MTMR7: variants seen among roughly 807,000 people sequenced by gnomAD.
MTMR7 encodes the protein myotubularin related protein 7, also known as phosphatidylinositol-3-phosphate phosphatase MTMR7.
In MTMR7, 76 loss-of-function variants were observed where a neutral mutation model predicts 81.2. The ratio of observed to expected loss-of-function variants is 0.94; its 90% CI spans 0.78 to 1.13. MTMR7 has a LOEUF of 1.13. Ranked by LOEUF, MTMR7 falls within the 50% of genes most tolerant of loss-of-function variation. The probability of loss-of-function intolerance (pLI) is 0.00; values close to 1 mark genes in which losing one functional copy is unlikely to be tolerated. For synonymous variants in MTMR7, 372 were observed against 289.8 expected (o/e 1.28, Z -2.88); for missense variants, 1,044 against 820.0 (o/e 1.27, Z -3.34).
intron 3 of MTMR7, among the ~76,000 whole-genome samples, chr8:17,366,885 C>CAAAAAAAAAAAA (rs1277882494): frequency 1.1e-4 from 10 of 88,188 alleles, no homozygotes; most frequent in African/African-American, 2.4e-4. Flanking sequence ...GACTCCATCT[C>CAAAAAAAAAAAA]AAAAAAAAAA....
chr8:17,340,164 G>C (rs143625083), intron 6 of MTMR7, among the ~76,000 whole-genome samples: 1 of 152,196 alleles, frequency 6.6e-6, no homozygotes, highest in Non-Finnish European at 1.5e-5. Flanking sequence ...TGTTGGTCAG[G>C]CTTGTCTCAA....
intron 1 of MTMR7, among the ~76,000 whole-genome samples, chr8:17,401,559 G>GA (rs1821429558): frequency 6.6e-6 from 1 of 152,136 alleles, no homozygotes; most frequent in Non-Finnish European, 1.5e-5. Flanking sequence ...ACTGGTGGGG[G>GA]AGCGGCAAAA....
chr8:17,310,100 G>A lies in MTMR7; in HGVS notation c.1102-774C>T, dbSNP rs146840835. Among the ~76,000 whole-genome samples, 77 of 152,062 alleles carry A rather than the reference G, an allele frequency of 5.1e-4. 1 individual carries two copies. In the East Asian group the frequency reaches 8.9e-3, roughly 18 times the overall value. ...ACTACACCCTTGACCTCCTGAGCTC[G>A]AGCGATCCTCCCACCTCAGCCCAAG... is the stretch of plus-strand genomic sequence containing the variant. On this transcript the variant is annotated intron_variant, in intron 9 of 13. Coordinates refer to ENST00000180173, the MANE Select transcript of MTMR7 (RefSeq NM_004686.5).
At chr8:17,412,577 G>A (rs1198142736) in intron 1 of MTMR7, among the ~76,000 whole-genome samples, 1 of 152,136 alleles carries the variant, frequency 6.6e-6, no homozygotes, top group Non-Finnish European at 1.5e-5. Flanking sequence ...GAGTGATCAG[G>A]GACCATTTGC....
chr8:17,318,131 G>A (rs1374324881), intron 7 of MTMR7, among the ~76,000 whole-genome samples: 2 of 152,164 alleles, frequency 1.3e-5, no homozygotes, highest in African/African-American at 2.4e-5. Flanking sequence ...GACCCTGCAT[G>A]AGGAAAACAA....
chr8:17,396,890 G>C (rs1821268659), intron 1 of MTMR7, among the ~76,000 whole-genome samples: 1 of 151,838 alleles, frequency 6.6e-6, no homozygotes, highest in Admixed American at 6.6e-5. Flanking sequence ...AGCTACAAAA[G>C]GATCAGATAC....
At chr8:17,353,346 C>T (rs1314106497) in intron 4 of MTMR7, among the ~76,000 whole-genome samples, 1 of 151,990 alleles carries the variant, frequency 6.6e-6, no homozygotes, top group Non-Finnish European at 1.5e-5. Context: ...TTGAAAAGTT[C>T]CAGAGATCTA....
chr8:17,336,064 C>T (rs1819227401), intron 6 of MTMR7, among the ~76,000 whole-genome samples: 1 of 152,208 alleles, frequency 6.6e-6, no homozygotes, highest in Non-Finnish European at 1.5e-5. Flanking sequence ...CATCGGTTGA[C>T]ATGAGTTGGT....
chr8:17,302,651 C>T (rs1168533374), intron 12 of MTMR7, among the ~76,000 whole-genome samples: 2 of 119,982 alleles, frequency 1.7e-5, no homozygotes, highest in African/African-American at 6.1e-5. Flanking sequence ...AAACTTGCAG[C>T]TTTTATCTTT....
chr8:17,394,080 C>G (rs1821180647), intron 1 of MTMR7, among the ~76,000 whole-genome samples: 1 of 152,096 alleles, frequency 6.6e-6, no homozygotes, highest in Non-Finnish European at 1.5e-5. Context: ...ATACTGGAAC[C>G]CTCATACATC....
At chr8:17,358,036 C>A (rs1819948625) in intron 4 of MTMR7, among the ~76,000 whole-genome samples, 1 of 151,982 alleles carries the variant, frequency 6.6e-6, no homozygotes, top group South Asian at 2.1e-4. Context: ...GAAAAACCAT[C>A]CAGTCATAGA....
chr8:17,386,351 C>A (rs371399007), intron 1 of MTMR7, among the ~76,000 whole-genome samples: 1 of 152,196 alleles, frequency 6.6e-6, no homozygotes, highest in East Asian at 1.9e-4. Context: ...GCATTGCAGG[C>A]TGGGCAGCAG....
Position 17,390,073 on chromosome 8 carries a change from T to TAA in MTMR7, c.25-16835_25-16834dup, listed in dbSNP as rs71215250. Among the ~76,000 whole-genome samples, 586 of 131,906 alleles carry TAA rather than the reference T, an allele frequency of 4.4e-3. 2 individuals are homozygous for TAA. The highest frequency in any genetic ancestry group is 0.015 in the African/African-American group (555 of 38,158). The allele number at this position is 131,906 out of a possible 152,430, so 86.5% of individuals were successfully genotyped here. On this transcript the variant is annotated intron_variant, in intron 1 of 13. Transcript: ENST00000180173. ...GAAAGCATGGAAACAGGGAATATGT[T>TAA]AAAAAAAAAAAAAAAGAAATCCCTC...
chr8:17,367,505 C>T (rs1392556815), intron 3 of MTMR7, among the ~76,000 whole-genome samples: 1 of 152,196 alleles, frequency 6.6e-6, no homozygotes, highest in Non-Finnish European at 1.5e-5. Flanking sequence ...TTTAACCTAA[C>T]TTAGTTCTTT....
Position 17,305,779 on chromosome 8 carries a change from G to C in MTMR7, c.1330C>G (p.Gln444Glu). 1.2e-6 allele frequency: 2 copies of C among 1,612,412 alleles called. No homozygotes were observed. Among genetic ancestry groups the C allele is most frequent in the Non-Finnish European group, 1.7e-6 (2 of 1,178,718 alleles). The change falls in exon 11 of 14, where the codon CAA becomes GAA. Residue 444 changes from glutamine to glutamate, a missense_variant. Physicochemically the swap from Gln to Glu is conservative, Grantham distance 29 (BLOSUM62 2). Transcript: ENST00000180173. Reference protein sequence around the residue: ...CQFGNFLCNSQKERRELKIQE... With the variant: ...CQFGNFLCNSEKERRELKIQE... ...TACTTGAGTTCTCGTCTCTCCTTTT[G>C]GCTGTTACATAGGAAGTTTCCAAAC...
intron 6 of MTMR7, among the ~76,000 whole-genome samples, chr8:17,335,219 G>T (rs748179935): frequency 4.6e-5 from 7 of 152,272 alleles, no homozygotes; most frequent in Non-Finnish European, 8.8e-5. Flanking sequence ...GAGAACGCAG[G>T]CTCCACGAGG....
chr8:17,411,568 A>G (rs966606080), intron 1 of MTMR7, among the ~76,000 whole-genome samples: 8 of 152,196 alleles, frequency 5.3e-5, no homozygotes, highest in Non-Finnish European at 1.0e-4. Context: ...TATTTTTTTC[A>G]CCAGCTTTAT....
intron 5 of MTMR7, among the ~76,000 whole-genome samples, chr8:17,344,826 A>G (rs150992884): frequency 1.7e-4 from 26 of 152,318 alleles, no homozygotes; most frequent in Middle Eastern, 3.4e-3. Flanking sequence ...ATAAGTATTC[A>G]TTATGAAAAG....
At chr8:17,394,125 G>T (rs768699301) in intron 1 of MTMR7, among the ~76,000 whole-genome samples, 12 of 152,110 alleles carry the variant, frequency 7.9e-5, no homozygotes, top group Non-Finnish European at 1.6e-4. Context: ...AGCCTCTTTG[G>T]AAAACTGTTA....
Sources: gnomAD v4.1 joint callset for allele counts (sites outside exome capture counted in the v4.1 genomes callset) on GRCh38, gnomAD v4.1.1 for gene constraint, MANE v1.5 for transcripts, NCBI Gene and HGNC (gene_info 2026-07-23, HGNC 2026-07-21) for gene names.